SV2C: variants seen among roughly 807,000 people sequenced by gnomAD.
The protein encoded by SV2C is solute carrier family 22 member B3.
SV2C carries 49 observed loss-of-function variants against 79.7 expected under a neutral mutation model. The observed-to-expected ratio is 0.61, with a 90% CI of 0.49 to 0.78. SV2C has a LOEUF of 0.78. Ranked by LOEUF, SV2C falls within the 30% of genes least tolerant of loss-of-function variation. SV2C has a pLI of 0.00. For missense variants in SV2C, 833 were observed against 912.9 expected, an observed-to-expected ratio of 0.91 and a Z score of 1.13; for synonymous variants, 334 against 333.2, an observed-to-expected ratio of 1.00 and a Z score of -0.03.
intron 2 of SV2C, among the ~76,000 whole-genome samples, chr5:76,180,499 T>C (rs1194216554): frequency 6.6e-6 from 1 of 152,252 alleles, no homozygotes; most frequent in Non-Finnish European, 1.5e-5. Context: ...ATTAATATAC[T>C]TGATGCTTTT....
At chr5:76,148,640 G>C (rs1338565207) in intron 2 of SV2C, among the ~76,000 whole-genome samples, 1 of 152,144 alleles carries the variant, frequency 6.6e-6, no homozygotes, top group South Asian at 2.1e-4. Context: ...TTTTTGTAGA[G>C]TCAGAGTCTC....
At chr5:76,070,665 A>T in the SV2C span, among the ~76,000 whole-genome samples, 1 of 152,168 alleles carries the variant, frequency 6.6e-6, no homozygotes, top group Admixed American at 6.5e-5. Context: ...TCAAGCCTGC[A>T]TGTCAAGTTC....
intron 8 of SV2C, among the ~76,000 whole-genome samples, 181 bp from the exon 9 acceptor site, chr5:76,295,597 T>C (rs1389113053): frequency 6.6e-6 from 1 of 152,132 alleles, no homozygotes; most frequent in Non-Finnish European, 1.5e-5. Flanking sequence ...TCAAGCTTGA[T>C]TTTTGCAGAT....
intron 2 of SV2C, among the ~76,000 whole-genome samples, chr5:76,177,253 G>C (rs966442178): frequency 6.7e-6 from 1 of 149,500 alleles, no homozygotes; most frequent in Non-Finnish European, 1.5e-5. Flanking sequence ...TCTTAATGCT[G>C]TATTTCTTAT....
At chr5:76,235,915 G>A (rs1018116461) in intron 4 of SV2C, among the ~76,000 whole-genome samples, 11 of 152,024 alleles carry the variant, frequency 7.2e-5, no homozygotes, top group Non-Finnish European at 1.6e-4. Flanking sequence ...CCCCCCACCG[G>A]TTCTATATGA....
intron 2 of SV2C, among the ~76,000 whole-genome samples, chr5:76,183,871 A>G (rs1743827368): frequency 6.6e-6 from 1 of 152,174 alleles, no homozygotes; most frequent in South Asian, 2.1e-4. Context: ...ATCACCCTGT[A>G]TGTGAAGCTT....
the SV2C span, among the ~76,000 whole-genome samples, chr5:75,874,508 C>A: frequency 1.3e-5 from 2 of 152,118 alleles, no homozygotes; most frequent in Non-Finnish European, 2.9e-5. Flanking sequence ...GGCTAGGATG[C>A]CCTCTCTCAC....
the SV2C span, among the ~76,000 whole-genome samples, chr5:76,012,542 C>T: frequency 6.6e-6 from 1 of 152,004 alleles, no homozygotes; most frequent in South Asian, 2.1e-4. Flanking sequence ...AAATTTTCTC[C>T]CATTCTGTAG....
intron 4 of SV2C, among the ~76,000 whole-genome samples, chr5:76,264,469 G>GC (rs1311144322): frequency 6.6e-6 from 1 of 152,060 alleles, no homozygotes; most frequent in East Asian, 1.9e-4. Context: ...CCAGTTTTGT[G>GC]CCCTTGCTGG....
chr5:76,082,606 TC>T (rs576364895), upstream of SV2C, among the ~76,000 whole-genome samples: 186 of 141,764 alleles, frequency 1.3e-3, 4 homozygotes, highest in East Asian at 0.038. Context: ...TTCCTCCTCC[TC>T]CTCTCTCTCT....
the SV2C span, among the ~76,000 whole-genome samples, chr5:75,956,970 A>G: frequency 6.6e-6 from 1 of 151,942 alleles, no homozygotes; most frequent in Non-Finnish European, 1.5e-5. Flanking sequence ...TCCCTATTAC[A>G]GTCTACAAAG....
chr5:76,353,226 C>T (rs927152258), exon 13 of SV2C: 6 of 329,172 alleles, frequency 1.8e-5, no homozygotes, highest in Non-Finnish European at 3.1e-5. Context: ...ATTACAGTCT[C>T]GAGCCACTGC....
the SV2C span, among the ~76,000 whole-genome samples, chr5:76,026,650 A>C: frequency 6.6e-6 from 1 of 152,234 alleles, no homozygotes; most frequent in East Asian, 1.9e-4. Flanking sequence ...AGAGAGCTAG[A>C]CGTAGGAAGC....
chr5:75,920,958 C>A, the SV2C span: 1 of 719,442 alleles, frequency 1.4e-6, no homozygotes, highest in East Asian at 2.5e-5. Context: ...ATGGCCCGGC[C>A]CCTGAGGAGG....
At chr5:75,960,535 G>A in the SV2C span, among the ~76,000 whole-genome samples, 36 of 151,966 alleles carry the variant, frequency 2.4e-4, 1 homozygote, top group Admixed American at 6.6e-5. Flanking sequence ...GTAACCTAAT[G>A]TACAGATTTG....
At chr5:76,057,685 G>T in the SV2C span, among the ~76,000 whole-genome samples, 1 of 151,980 alleles carries the variant, frequency 6.6e-6, no homozygotes, top group Non-Finnish European at 1.5e-5. Context: ...GTATATCAAT[G>T]CCTATTATCC....
intron 2 of SV2C, 45 bp from the exon 3 acceptor site, chr5:76,194,865 TGTGTCATTG>T: frequency 6.3e-7 from 1 of 1,578,962 alleles, no homozygotes; most frequent in Middle Eastern, 1.9e-4. Context: ...TGCTGTTACA[TGTGTCATTG>T]ACTCCCAACC....
the SV2C span, among the ~76,000 whole-genome samples, chr5:76,045,657 T>A: frequency 6.6e-6 from 1 of 152,194 alleles, no homozygotes; most frequent in Non-Finnish European, 1.5e-5. Flanking sequence ...GGCTAAGATG[T>A]TTGTTTTCTT....
chr5:76,032,031 T>C, the SV2C span, among the ~76,000 whole-genome samples: 1 of 152,200 alleles, frequency 6.6e-6, no homozygotes, highest in Non-Finnish European at 1.5e-5. Flanking sequence ...ATGGGAAGAC[T>C]CTACATATAT....
Sources: gnomAD v4.1 joint callset for allele counts (sites outside exome capture counted in the v4.1 genomes callset) on GRCh38, gnomAD v4.1.1 for gene constraint, MANE v1.5 for transcripts, NCBI Gene and HGNC (gene_info 2026-07-23, HGNC 2026-07-21) for gene names.